Variants in TMEM131 observed in about 807,000 individuals in gnomAD.
TMEM131 encodes 2610524E03Rik.
A neutral mutation model predicts 211.6 loss-of-function variants in TMEM131; 66 were observed. The ratio of observed to expected loss-of-function variants is 0.31; its 90% CI spans 0.26 to 0.38. The LOEUF (loss-of-function observed/expected upper bound fraction) is 0.38. Among genes scored for constraint, TMEM131 ranks in the 10% least tolerant of loss-of-function variants. The probability of loss-of-function intolerance (pLI) is 1.00; values close to 1 mark genes in which losing one functional copy is unlikely to be tolerated. For synonymous variants in TMEM131, 844 were observed against 841.3 expected (o/e 1.00, Z -0.06); for missense variants, 2,036 against 2,299.3 (o/e 0.89, Z 2.34).
chr2:97,922,794 G>A (rs1223155835), intron 2 of TMEM131, among the ~76,000 whole-genome samples: 1 of 152,236 alleles, frequency 6.6e-6, no homozygotes, highest in Admixed American at 6.5e-5. Flanking sequence ...GAGGGTAATG[G>A]CCTGTTTTTA....
chr2:97,793,999 AAAAAAAAAAAAAAAAAC>A (rs1253663510), intron 29 of TMEM131, among the ~76,000 whole-genome samples: 1 of 148,878 alleles, frequency 6.7e-6, no homozygotes, highest in African/African-American at 2.5e-5. Flanking sequence ...GTCTCAAAAA[AAAAAAAAAAAAAAAAAC>A]AAAAAACCCA....
intron 4 of TMEM131, among the ~76,000 whole-genome samples, chr2:97,865,737 T>C (rs1674244179): frequency 6.6e-6 from 1 of 152,248 alleles, no homozygotes; most frequent in South Asian, 2.1e-4. Flanking sequence ...ATTAGGGTAA[T>C]ACAGATCTAA....
At chr2:97,992,533 C>T (rs900298347) in intron 1 of TMEM131, among the ~76,000 whole-genome samples, 2 of 151,928 alleles carry the variant, frequency 1.3e-5, no homozygotes, top group African/African-American at 4.8e-5. Flanking sequence ...AAAACTTATT[C>T]GAATTTATAT....
At chr2:97,886,937 C>T (rs1229563895) in intron 4 of TMEM131, among the ~76,000 whole-genome samples, 10 of 152,212 alleles carry the variant, frequency 6.6e-5, no homozygotes, top group South Asian at 2.1e-4. Flanking sequence ...TATAGGAGCC[C>T]GCTGAGGCTG....
intron 1 of TMEM131, among the ~76,000 whole-genome samples, chr2:97,991,439 T>C (rs1204490855): frequency 6.6e-6 from 1 of 152,136 alleles, no homozygotes; most frequent in Non-Finnish European, 1.5e-5. Context: ...CTGATGCCAC[T>C]TGGTGAAGGG....
Position 97,785,996 on chromosome 2 carries a change from A to C in TMEM131, c.4144+6390T>G, listed in dbSNP as rs961682541. Among the ~76,000 whole-genome samples, 3 of 152,192 alleles carry C rather than the reference A, an allele frequency of 2.0e-5. No homozygotes were observed. In the South Asian group the frequency reaches 6.2e-4, roughly 32 times the overall value. ...TCAAGAATGTTACATAAATGGAATC[A>C]TAGTTGCCAGACTAAGGGGTAGGCT... On this transcript the variant is annotated intron_variant, in intron 31 of 40. Coordinates refer to ENST00000186436, the MANE Select transcript of TMEM131 (RefSeq NM_015348.2).
chr2:97,982,064 T>C (rs952163346), intron 1 of TMEM131, among the ~76,000 whole-genome samples: 2 of 152,244 alleles, frequency 1.3e-5, no homozygotes, highest in Admixed American at 6.5e-5. Flanking sequence ...GGAGCATAAC[T>C]GTGGGTCATA....
chr2:97,901,184 T>C (rs1461129442), intron 3 of TMEM131, among the ~76,000 whole-genome samples: 2 of 152,152 alleles, frequency 1.3e-5, no homozygotes, highest in African/African-American at 4.8e-5. Context: ...GAAATGCTCA[T>C]ATATAGGACA....
At chr2:97,965,728 G>T in intron 1 of TMEM131, among the ~76,000 whole-genome samples, 1 of 151,808 alleles carries the variant, frequency 6.6e-6, no homozygotes, top group East Asian at 1.9e-4. Flanking sequence ...GAAAATTACT[G>T]CTCCTAAAAA....
intron 4 of TMEM131, among the ~76,000 whole-genome samples, chr2:97,864,658 G>T (rs1334243488): frequency 6.6e-6 from 1 of 152,246 alleles, no homozygotes; most frequent in African/African-American, 2.4e-5. Flanking sequence ...AAAAAATTTA[G>T]AAGTTAGAGG....
intron 25 of TMEM131, among the ~76,000 whole-genome samples, chr2:97,798,728 T>C (rs1680886822): frequency 6.6e-6 from 1 of 152,274 alleles, no homozygotes; most frequent in African/African-American, 2.4e-5. Flanking sequence ...GAAAAAAATG[T>C]ATGCGTGCGT....
intron 3 of TMEM131, among the ~76,000 whole-genome samples, chr2:97,892,723 A>G (rs558457759): frequency 9.2e-5 from 14 of 152,014 alleles, no homozygotes; most frequent in Non-Finnish European, 1.9e-4. Context: ...GTTTGCAAAT[A>G]TTTCTATGAA....
rs531529915 is a variant in TMEM131, at chr2:97,850,632, T to C, written c.484-6371A>G. On this transcript the variant is annotated intron_variant, in intron 5 of 40. Coordinates refer to ENST00000186436, the MANE Select transcript of TMEM131 (RefSeq NM_015348.2). ...AACGAACCTGCACATCCTGCACATGTATCCCTGAACTTAAAATAAAAGTTG... is the reference window on the plus strand; with the variant it reads ...AACGAACCTGCACATCCTGCACATGCATCCCTGAACTTAAAATAAAAGTTG... Among the ~76,000 whole-genome samples the C allele has an allele frequency of 2.0e-5, 3 of 152,282 alleles. No individual in the cohort carries two copies. The South Asian group carries it at 6.2e-4, about 32-fold the overall frequency.
At chr2:97,910,424 A>C (rs1676248124) in intron 2 of TMEM131, among the ~76,000 whole-genome samples, 1 of 152,224 alleles carries the variant, frequency 6.6e-6, no homozygotes, top group Non-Finnish European at 1.5e-5. Flanking sequence ...AAGATACTGC[A>C]TGAACCCACA....
chr2:97,953,641 A>T (rs551693222), intron 1 of TMEM131, among the ~76,000 whole-genome samples: 1 of 152,310 alleles, frequency 6.6e-6, no homozygotes, highest in African/African-American at 2.4e-5. Flanking sequence ...AAAGAACTGA[A>T]CAACAATCAA....
chr2:97,909,173 A>G (rs1676196244), intron 2 of TMEM131, among the ~76,000 whole-genome samples: 2 of 152,230 alleles, frequency 1.3e-5, no homozygotes, highest in Non-Finnish European at 2.9e-5. Context: ...GCCATACTTA[A>G]ACACATCATG....
chr2:97,802,741 A>G lies in TMEM131; in HGVS notation c.2452T>C (p.Ser818Pro). 6.3e-7 allele frequency: 1 copy of G among 1,576,904 alleles called. No individual in the cohort carries two copies. The highest frequency in any genetic ancestry group is 1.2e-5 in the South Asian group (1 of 84,260). ...VNTDLQKNIISKITAELSWPS... is the reference protein window; with the variant it reads ...VNTDLQKNIIPKITAELSWPS... The stretch of plus-strand genomic sequence containing the variant: ...CAGGAGAGCTCAGCAGTGATTTTTG[A>G]TATTATATTTTTTTGAAGGTCTGTA... The change falls in exon 23 of 41, where the codon TCA (serine) becomes CCA (proline). Residue 818 changes from serine (S) to proline (P), a missense_variant. Ser to Pro is a moderately conservative substitution (Grantham distance 74). Around this residue, in one of 3 missense-constraint regions of TMEM131, gnomAD observed 1,623 missense variants for 1,805.9 expected, o/e 0.90. Transcript: ENST00000186436.
intron 7 of TMEM131, among the ~76,000 whole-genome samples, chr2:97,839,424 G>A (rs1683092609): frequency 6.6e-6 from 1 of 152,022 alleles, no homozygotes; most frequent in South Asian, 2.1e-4. Context: ...TAAAGAAATA[G>A]AGACAGAAAA....
chr2:97,833,495 TATAAG>T (rs1383749409), intron 10 of TMEM131, 69 bp from the exon 11 acceptor site: 9 of 695,934 alleles, frequency 1.3e-5, no homozygotes, highest in Admixed American at 3.2e-5. Flanking sequence ...ATCTTTACCT[TATAAG>T]ATATCAAATT....
Sources: allele counts gnomAD v4.1 joint callset (sites outside exome capture counted in the v4.1 genomes callset), GRCh38; gene constraint gnomAD v4.1.1; regional missense constraint gnomAD v4.1.1; transcripts MANE v1.5; gene names NCBI Gene and HGNC (gene_info 2026-07-23, HGNC 2026-07-21).